The following JAZF1 variants were observed in gnomAD, a reference collection of about 807,000 sequenced individuals.
JAZF1 encodes juxtaposed with another zinc finger protein 1.
In JAZF1, 8 loss-of-function variants were observed where a neutral mutation model predicts 26.4. The observed-to-expected ratio is 0.30, with a 90% confidence interval of 0.18 to 0.55. The LOEUF is 0.55. JAZF1 is among the 20% of genes least tolerant of loss of function. The pLI is 0.94. For missense variants in JAZF1, 199 were observed against 322.0 expected (o/e 0.62, Z 2.92); for synonymous variants, 126 against 122.3 (o/e 1.03, Z -0.20).
chr7:28,039,703 C>T lies in JAZF1; in HGVS notation c.116-47722G>A, dbSNP rs556545949. Reference sequence around the variant, plus strand: ...AAGAGAGTTATGAGGAATGCTAAAACCCTTTCCCCTAAGAATAATCAGTGT... The same window carrying T: ...AAGAGAGTTATGAGGAATGCTAAAATCCTTTCCCCTAAGAATAATCAGTGT... On this transcript the variant is annotated intron_variant, in intron 1 of 4. Coordinates refer to ENST00000283928, the MANE Select transcript of JAZF1 (RefSeq NM_175061.4). Among the ~76,000 whole-genome samples, 9 of 152,268 alleles carry T rather than the reference C, an allele frequency of 5.9e-5. No homozygotes were observed. In the South Asian group the frequency reaches 1.7e-3, roughly 28 times the overall value.
At chr7:27,906,098 G>C (rs975145517) in intron 2 of JAZF1, among the ~76,000 whole-genome samples, 2 of 152,160 alleles carry the variant, frequency 1.3e-5, no homozygotes, top group Admixed American at 6.5e-5. Flanking sequence ...TTAAATTTAG[G>C]TGGAATTGCT....
intron 2 of JAZF1, among the ~76,000 whole-genome samples, chr7:27,931,802 G>A (rs1484606184): frequency 1.3e-5 from 2 of 152,064 alleles, no homozygotes; most frequent in African/African-American, 4.8e-5. Context: ...TGGAACCTGG[G>A]AGAATTGCTT....
At chr7:27,899,259 C>A (rs1784125536) in intron 2 of JAZF1, among the ~76,000 whole-genome samples, 1 of 152,212 alleles carries the variant, frequency 6.6e-6, no homozygotes, top group Non-Finnish European at 1.5e-5. Context: ...GGCTGTGATT[C>A]TGGCCAACAA....
Position 28,054,736 on chromosome 7 carries a change from G to A in JAZF1, c.116-62755C>T, listed in dbSNP as rs928628658. 5.9e-5 allele frequency among the ~76,000 whole-genome samples: 9 copies of A among 152,198 alleles called. No individual in the cohort carries two copies. In the East Asian group the frequency reaches 1.2e-3, roughly 20 times the overall value. On this transcript the variant is annotated intron_variant, in intron 1 of 4. Coordinates refer to ENST00000283928, the MANE Select transcript of JAZF1 (RefSeq NM_175061.4). ...ACTTAAAAAGTTAACGCAGGAAGAG[G>A]TGCAGACGCTGGTAGACACAGTCTG... is the stretch of plus-strand genomic sequence containing the variant.
At chr7:28,143,146 T>C (rs1782982055) in intron 1 of JAZF1, among the ~76,000 whole-genome samples, 1 of 152,166 alleles carries the variant, frequency 6.6e-6, no homozygotes, top group African/African-American at 2.4e-5. Flanking sequence ...CATCTCCTTC[T>C]CTATACTGCA....
chr7:28,141,227 TAACA>T (rs1313514647), intron 1 of JAZF1, among the ~76,000 whole-genome samples: 1 of 152,150 alleles, frequency 6.6e-6, no homozygotes, highest in East Asian at 1.9e-4. Flanking sequence ...AGGTTGAAGT[TAACA>T]AACAAAATGA....
At position 28,033,736 on chromosome 7, in the gene JAZF1, T is replaced by C. The variant is rs368056178; in HGVS notation, c.116-41755A>G. ...CTAAACTTGTAATTGTGGTACTCTA[T>C]GGGAACTCTTTTTTGGGGGGGCAAT... On this transcript the variant is annotated intron_variant, in intron 1 of 4. Coordinates refer to ENST00000283928, the MANE Select transcript of JAZF1 (RefSeq NM_175061.4). Among the ~76,000 whole-genome samples the C allele has an allele frequency of 2.0e-5, 3 of 152,284 alleles. No individual in the cohort carries two copies. In the East Asian group the frequency reaches 5.8e-4, roughly 29 times the overall value.
At position 27,832,438 on chromosome 7, in the gene JAZF1, A is replaced by C. The variant is rs541418718; in HGVS notation, c.*362T>G. 69 of 234,604 alleles carry C rather than the reference A, an allele frequency of 2.9e-4. No homozygotes were observed. The highest frequency in any genetic ancestry group is 5.3e-4 in the Non-Finnish European group (63 of 118,894). The allele number at this position is 234,604 out of a possible 1,614,324, so 14.5% of individuals were successfully genotyped here. On this transcript the variant is annotated 3_prime_UTR_variant, in exon 5 of 5. Coordinates refer to ENST00000283928, the MANE Select transcript of JAZF1 (RefSeq NM_175061.4). The stretch of plus-strand genomic sequence containing the variant: ...TCAATCACATTACAATCTTGAAAAA[A>C]AAATCTCAGTGCCAGCCCCTCCTCC...
chr7:28,163,471 G>A (rs1783322541), intron 1 of JAZF1, among the ~76,000 whole-genome samples: 1 of 152,190 alleles, frequency 6.6e-6, no homozygotes, highest in Non-Finnish European at 1.5e-5. Context: ...GGGCATCACA[G>A]GAAGCATCCC....
chr7:27,937,238 G>C (rs546612255), intron 2 of JAZF1, among the ~76,000 whole-genome samples: 137 of 152,130 alleles, frequency 9.0e-4, no homozygotes, highest in Non-Finnish European at 1.7e-3. Flanking sequence ...AAGCACATAG[G>C]CTTAATGTTT....
At chr7:28,155,842 C>T (rs1783176354) in intron 1 of JAZF1, among the ~76,000 whole-genome samples, 1 of 152,214 alleles carries the variant, frequency 6.6e-6, no homozygotes, top group African/African-American at 2.4e-5. Context: ...CAAATTCTAA[C>T]CCTGCTTCTT....
chr7:28,129,955 T>G (rs1370597481), intron 1 of JAZF1, among the ~76,000 whole-genome samples: 1 of 152,166 alleles, frequency 6.6e-6, no homozygotes, highest in Non-Finnish European at 1.5e-5. Context: ...CCTCAATTCT[T>G]TAAGATATAA....
chr7:28,152,604 C>T (rs1201700094), intron 1 of JAZF1, among the ~76,000 whole-genome samples: 2 of 152,122 alleles, frequency 1.3e-5, no homozygotes, highest in East Asian at 3.8e-4. Flanking sequence ...TAAGTAATAA[C>T]AAATGAATCC....
chr7:27,997,472 T>C (rs1293965847), intron 1 of JAZF1, among the ~76,000 whole-genome samples: 1 of 152,234 alleles, frequency 6.6e-6, no homozygotes, highest in African/African-American at 2.4e-5. Context: ...CATCTGGTGA[T>C]TCCCTAATTA....
At chr7:28,038,643 A>G (rs185223595) in intron 1 of JAZF1, among the ~76,000 whole-genome samples, 185 of 152,318 alleles carry the variant, frequency 1.2e-3, no homozygotes, top group Non-Finnish European at 2.0e-3. Context: ...TAAAATTCCA[A>G]AAAAAGAAGC....
rs1247295347 is a variant in JAZF1 at position 28,091,078 on chromosome 7, G to A, written c.115+89385C>T. Among the ~76,000 whole-genome samples the A allele has an allele frequency of 6.0e-5, 9 of 149,802 alleles. 1 individual carries two copies. Among genetic ancestry groups the A allele is most frequent in the Non-Finnish European group, 1.2e-4 (8 of 67,566 alleles). On this transcript the variant is annotated intron_variant, in intron 1 of 4. Coordinates refer to ENST00000283928, the MANE Select transcript of JAZF1 (RefSeq NM_175061.4). ...CCTGACCTCATGATCCACCCGCCTCGGCCTCCCAAAGTGCTGGGATTACAG... is the reference window on the plus strand; with the variant it reads ...CCTGACCTCATGATCCACCCGCCTCAGCCTCCCAAAGTGCTGGGATTACAG...
chr7:28,159,909 A>G (rs1783255098), intron 1 of JAZF1, among the ~76,000 whole-genome samples: 1 of 152,226 alleles, frequency 6.6e-6, no homozygotes, highest in Admixed American at 6.5e-5. Flanking sequence ...AAGCGAAACC[A>G]TAATTACGAA....
intron 1 of JAZF1, among the ~76,000 whole-genome samples, chr7:28,078,311 T>C (rs922222142): frequency 6.6e-6 from 1 of 152,202 alleles, no homozygotes; most frequent in Non-Finnish European, 1.5e-5. Flanking sequence ...CATTAGTTTC[T>C]CCATCTATAA....
chr7:27,945,382 T>C (rs1259760242), intron 2 of JAZF1, among the ~76,000 whole-genome samples: 1 of 152,170 alleles, frequency 6.6e-6, no homozygotes, highest in Admixed American at 6.5e-5. Context: ...AGCTTCTGTG[T>C]AGCACCTCCC....
Sources: allele counts gnomAD v4.1 joint callset (sites outside exome capture counted in the v4.1 genomes callset), GRCh38; gene constraint gnomAD v4.1.1; transcripts MANE v1.5; gene names NCBI Gene and HGNC (gene_info 2026-07-23, HGNC 2026-07-21).